The following SORCS1 variants were observed in gnomAD, a reference collection of about 807,000 sequenced individuals.
SORCS1 encodes the protein VPS10 domain-containing receptor SorCS1.
SORCS1 carries 60 observed loss-of-function variants against 146.1 expected under a neutral mutation model. That is an observed-to-expected ratio of 0.41 (90% CI 0.33 to 0.51). The LOEUF (loss-of-function observed/expected upper bound fraction) is 0.51, where lower values mean the gene tolerates loss of function less well. Among genes scored for constraint, SORCS1 ranks in the 20% least tolerant of loss-of-function variants. The pLI is 0.21. For missense variants in SORCS1, 1,352 were observed against 1,487.6 expected (o/e 0.91, Z 1.50); for synonymous variants, 637 against 584.0 (o/e 1.09, Z -1.31).
chr10:106,660,394 A>G (rs910532923), intron 17 of SORCS1, among the ~76,000 whole-genome samples: 1 of 152,192 alleles, frequency 6.6e-6, no homozygotes, highest in Non-Finnish European at 1.5e-5. Flanking sequence ...CTTTGTGGTG[A>G]GAATATTCAA....
intron 23 of SORCS1, among the ~76,000 whole-genome samples, chr10:106,604,542 A>G (rs1846445698): frequency 6.6e-6 from 1 of 152,206 alleles, no homozygotes; most frequent in South Asian, 2.1e-4. Flanking sequence ...ATAGGCTGAT[A>G]CACTGGCATT....
intron 1 of SORCS1, among the ~76,000 whole-genome samples, chr10:107,140,992 G>A (rs754433667): frequency 6.6e-6 from 1 of 152,176 alleles, no homozygotes; most frequent in South Asian, 2.1e-4. Flanking sequence ...TTTATGAAAA[G>A]CAAGGGCATC....
rs919012889 is a variant in SORCS1, at chr10:106,812,221, C to T, written c.726+17353G>A. 5.3e-5 allele frequency among the ~76,000 whole-genome samples: 8 copies of T among 152,034 alleles called. No individual in the cohort carries two copies. The South Asian group carries it at 6.2e-4, about 12-fold the overall frequency. ...TTCACTGTGTTAGCCAGGATGGTCT[C>T]GATCTCCTGACCTCATGATCCGCCC... is the stretch of plus-strand genomic sequence containing the variant. On this transcript the variant is annotated intron_variant, in intron 3 of 25. Coordinates refer to ENST00000263054, the MANE Select transcript of SORCS1 (RefSeq NM_052918.5).
intron 1 of SORCS1, among the ~76,000 whole-genome samples, chr10:107,053,207 G>A (rs899048653): frequency 6.6e-6 from 1 of 152,008 alleles, no homozygotes; most frequent in African/African-American, 2.4e-5. Context: ...TGTGATTTCC[G>A]CTAGCAGAGT....
chr10:106,727,058 C>T (rs1398128043), intron 6 of SORCS1, among the ~76,000 whole-genome samples: 1 of 150,872 alleles, frequency 6.6e-6, no homozygotes, highest in East Asian at 2.0e-4. Flanking sequence ...TGCACTCCAG[C>T]CTGCGTGACA....
chr10:107,046,230 C>A (rs1211640443), intron 1 of SORCS1, among the ~76,000 whole-genome samples: 1 of 152,024 alleles, frequency 6.6e-6, no homozygotes, highest in African/African-American at 2.4e-5. Flanking sequence ...AATCGGGAGC[C>A]ACTGTGCTCG....
At chr10:106,720,668 T>C (rs2135935033) in intron 6 of SORCS1, among the ~76,000 whole-genome samples, 1 of 152,094 alleles carries the variant, frequency 6.6e-6, no homozygotes, top group East Asian at 1.9e-4. Flanking sequence ...GTGCTGCTAT[T>C]GTATTCTGAG....
At chr10:107,022,215 A>C (rs964622683) in intron 1 of SORCS1, among the ~76,000 whole-genome samples, 2 of 152,020 alleles carry the variant, frequency 1.3e-5, no homozygotes, top group African/African-American at 4.8e-5. Flanking sequence ...TCTCTCTTCT[A>C]TTTAGGATGT....
In SORCS1 at chr10:107,164,476, G is replaced by A. The variant is rs1025903492; in HGVS notation, c.51C>T (p.Leu17=). The change falls in exon 1 of 26, where the codon CTC becomes CTT. Residue 17 remains leucine (L), a synonymous_variant. Coordinates refer to ENST00000263054, the MANE Select transcript of SORCS1 (RefSeq NM_052918.5). The surrounding 1 kb of genome is among the most constrained non-coding windows in gnomAD (Gnocchi z 6.8). The part of the protein sequence containing the change: ...GGGSQARLSA[L]LAGAGLLILC... ...GGATCAAGAGCCCCGCGCCGGCGAG[G>A]AGCGCGCTCAGCCGGGCTTGGGAGC... The A allele has an allele frequency of 2.5e-5, 34 of 1,362,972 alleles. No individual in the cohort carries two copies. Among genetic ancestry groups the A allele is most frequent in the Non-Finnish European group, 3.0e-5 (32 of 1,065,858 alleles). 84.4% of individuals were successfully genotyped at this position (1,362,972 alleles called of 1,614,324 possible).
chr10:106,711,197 A>T (rs1417952587), intron 6 of SORCS1, among the ~76,000 whole-genome samples: 1 of 152,252 alleles, frequency 6.6e-6, no homozygotes, highest in Non-Finnish European at 1.5e-5. Context: ...TTGTTGGAAC[A>T]TGCCACTTAT....
At chr10:106,659,894 T>G (rs1850594939) in intron 17 of SORCS1, among the ~76,000 whole-genome samples, 1 of 152,178 alleles carries the variant, frequency 6.6e-6, no homozygotes, top group Admixed American at 6.5e-5. Context: ...TAAGAAAGTT[T>G]TCTTCAGAAA....
Position 106,880,601 on chromosome 10 carries a change from T to C in SORCS1, c.627-50928A>G, listed in dbSNP as rs553906920. Among the ~76,000 whole-genome samples, 19 of 152,288 alleles carry C rather than the reference T, an allele frequency of 1.2e-4. No homozygotes were observed. In the South Asian group the frequency reaches 3.5e-3, roughly 28 times the overall value. ...TATAGTCTAATAAGCTTCCTAGAAT[T>C]AGTACAATCTACTTTGAGAAAAGGT... is the stretch of plus-strand genomic sequence containing the variant. On this transcript the variant is annotated intron_variant, in intron 2 of 25. Transcript: ENST00000263054.
intron 1 of SORCS1, among the ~76,000 whole-genome samples, chr10:106,986,798 T>A (rs1392303598): frequency 6.6e-6 from 1 of 152,194 alleles, no homozygotes; most frequent in Non-Finnish European, 1.5e-5. Flanking sequence ...ATGTTTTCAC[T>A]TCTGGAATTT....
At chr10:106,999,811 G>C (rs1407288832) in intron 1 of SORCS1, among the ~76,000 whole-genome samples, 3 of 152,312 alleles carry the variant, frequency 2.0e-5, no homozygotes, top group Non-Finnish European at 4.4e-5. Flanking sequence ...CGGGATTTCT[G>C]AAGTGTAACA....
intron 2 of SORCS1, among the ~76,000 whole-genome samples, chr10:106,911,909 A>G (rs549516298): frequency 2.6e-5 from 4 of 152,024 alleles, no homozygotes; most frequent in Non-Finnish European, 5.9e-5. Context: ...TCAGGAGATC[A>G]AGACCATCCT....
chr10:107,045,439 T>C (rs1462199377), intron 1 of SORCS1, among the ~76,000 whole-genome samples: 1 of 152,188 alleles, frequency 6.6e-6, no homozygotes, highest in East Asian at 1.9e-4. Flanking sequence ...GTTCCTACTG[T>C]ACAACTGGGA....
intron 1 of SORCS1, among the ~76,000 whole-genome samples, chr10:107,061,408 T>G (rs1961216740): frequency 6.6e-6 from 1 of 152,164 alleles, no homozygotes; most frequent in South Asian, 2.1e-4. Context: ...AGTTTAAAAA[T>G]TTAGAACACA....
chr10:106,659,852 AG>A (rs1470565229), intron 17 of SORCS1, among the ~76,000 whole-genome samples: 1 of 152,198 alleles, frequency 6.6e-6, no homozygotes, highest in African/African-American at 2.4e-5. Context: ...ATGCATGAAA[AG>A]ATGGAAAACC....
intron 1 of SORCS1, among the ~76,000 whole-genome samples, chr10:107,100,465 G>C (rs201479719): frequency 6.6e-6 from 1 of 151,268 alleles, no homozygotes; most frequent in Non-Finnish European, 1.5e-5. Flanking sequence ...AGTGAGCCAA[G>C]ATCTCACCAC....
Sources: allele counts gnomAD v4.1 joint callset (sites outside exome capture counted in the v4.1 genomes callset), GRCh38; gene constraint gnomAD v4.1.1; non-coding constraint Gnocchi (gnomAD v3.1); transcripts MANE v1.5; gene names NCBI Gene and HGNC (gene_info 2026-07-23, HGNC 2026-07-21).